The following MDN1 variants were observed in gnomAD, a reference collection of about 807,000 sequenced individuals.
The protein encoded by MDN1 is midasin AAA ATPase 1, also known as midasin.
MDN1 carries 266 observed loss-of-function variants against 669.2 expected under a neutral mutation model. The observed-to-expected ratio is 0.40, with a 90% CI of 0.36 to 0.44. MDN1 has a LOEUF of 0.44. Among genes scored for constraint, MDN1 ranks in the 20% least tolerant of loss-of-function variants. The pLI, the probability that MDN1 is intolerant of heterozygous loss-of-function variation, is 1.00. For synonymous variants in MDN1, 2,385 were observed against 2,457.1 expected (o/e 0.97, Z 0.87); for missense variants, 5,940 against 6,754.0 (o/e 0.88, Z 4.22).
chr6:89,700,764 T>C lies in MDN1; in HGVS notation c.8520A>G (p.Gly2840=), dbSNP rs1813100043. 6.2e-7 allele frequency: 1 copy of C among 1,614,066 alleles called. No individual in the cohort carries two copies. The highest frequency in any genetic ancestry group is 1.7e-5 in the Admixed American group (1 of 60,000). Residue 2840 remains glycine (G), a synonymous_variant, in exon 56 of 102, where the codon GGA becomes GGG. Coordinates refer to ENST00000369393, the MANE Select transcript of MDN1 (RefSeq NM_014611.3). The stretch of plus-strand genomic sequence containing the variant: ...GGAGACGGTTAATGTCTTCCTGCCA[T>C]CCACTCTCCCCAAGGGCAGACATCT... ...REQMSALGES[G]WQEDINRLQV...
At chr6:89,683,059 T>C in intron 73 of MDN1, 73 bp downstream of exon 73, 1 of 1,456,596 alleles carries the variant, frequency 6.9e-7, no homozygotes, top group Non-Finnish European at 9.6e-7. Context: ...TACTGAGGCA[T>C]GCCTTGCACA....
intron 53 of MDN1, among the ~76,000 whole-genome samples, chr6:89,705,271 T>A (rs543180197): frequency 1.1e-3 from 168 of 152,332 alleles, no homozygotes; most frequent in Admixed American, 2.0e-3. Context: ...GGGTTTTTTT[T>A]ATGTTTTTCA....
In MDN1 at chr6:89,790,413, A is replaced by G; in HGVS notation, c.856-12T>C. 1 of 1,613,572 alleles carries G rather than the reference A, an allele frequency of 6.2e-7. No individual in the cohort carries two copies. Among genetic ancestry groups the G allele is most frequent in the Non-Finnish European group, 8.5e-7 (1 of 1,179,916 alleles). ...CTCCTATTACCACCCTAAAGAGGCA[A>G]GACAAAAGCCATGTCAAGAAGAGTT... On this transcript the variant is annotated splice_polypyrimidine_tract_variant and intron_variant, in intron 5 of 101. Coordinates refer to ENST00000369393, the MANE Select transcript of MDN1 (RefSeq NM_014611.3).
intron 22 of MDN1, among the ~76,000 whole-genome samples, chr6:89,752,577 A>T (rs1049095152): frequency 6.6e-6 from 1 of 152,152 alleles, no homozygotes; most frequent in Non-Finnish European, 1.5e-5. Context: ...GCTATTCTGT[A>T]ATTTCCTGCC....
intron 11 of MDN1, among the ~76,000 whole-genome samples, chr6:89,777,603 T>C (rs1400603514): frequency 6.6e-6 from 1 of 152,152 alleles, no homozygotes; most frequent in Non-Finnish European, 1.5e-5. Flanking sequence ...AATCCCTTAG[T>C]GCTCAGGAGT....
At chr6:89,689,786 A>C in intron 65 of MDN1, 84 bp downstream of exon 65, 1 of 1,435,964 alleles carries the variant, frequency 7.0e-7, no homozygotes, top group East Asian at 2.4e-5. Flanking sequence ...GAAATTCATG[A>C]GTGTGATTGT....
intron 1 of MDN1, among the ~76,000 whole-genome samples, chr6:89,818,612 C>T (rs1195264682): frequency 6.6e-6 from 1 of 151,834 alleles, no homozygotes; most frequent in African/African-American, 2.4e-5. Context: ...GAGATCGAGA[C>T]CATCCTGGCC....
chr6:89,797,935 T>A (rs1312226717), intron 2 of MDN1: 2 of 157,166 alleles, frequency 1.3e-5, no homozygotes, highest in African/African-American at 5.2e-5. Flanking sequence ...AATCCCAGAA[T>A]TTTGGGAGGC....
intron 25 of MDN1, 28 bp downstream of exon 25, chr6:89,749,515 T>C: frequency 6.2e-7 from 1 of 1,610,352 alleles, no homozygotes; most frequent in Non-Finnish European, 8.5e-7. Flanking sequence ...TGTTAACAAA[T>C]TGAAGGAAGG....
At position 89,718,931 on chromosome 6, in the gene MDN1, T is replaced by C. The variant is rs1814617939; in HGVS notation, c.6157A>G (p.Met2053Val). The C allele has an allele frequency of 2.5e-6, 4 of 1,614,098 alleles. No individual in the cohort carries two copies. The highest frequency in any genetic ancestry group is 3.4e-6 in the Non-Finnish European group (4 of 1,180,032). Residue 2053 changes from methionine to valine, a missense_variant, in exon 42 of 102, where the codon ATG becomes GTG. Coordinates refer to ENST00000369393, the MANE Select transcript of MDN1 (RefSeq NM_014611.3). ...ATCCAGCTCATCTGCACACACTTCA[T>C]GATTGACTCCAGGGGTTGGAATGAC... Reference protein sequence around the residue: ...HQSFQPLESIMKCVQMSWMVI... With the variant: ...HQSFQPLESIVKCVQMSWMVI...
intron 59 of MDN1, among the ~76,000 whole-genome samples, chr6:89,697,998 A>G (rs576973180): frequency 6.0e-4 from 92 of 152,326 alleles, no homozygotes; most frequent in Middle Eastern, 3.4e-3. Context: ...AGAAGTGCAA[A>G]TGAGTTCTTT....
intron 25 of MDN1, 52 bp downstream of exon 25, chr6:89,749,491 T>G (rs561161164): frequency 1.0e-5 from 16 of 1,598,030 alleles, no homozygotes; most frequent in Non-Finnish European, 1.4e-5. Context: ...CTACGAAAAA[T>G]CTACTATCTG....
intron 22 of MDN1, 115 bp downstream of exon 22, chr6:89,753,397 C>T: frequency 1.3e-6 from 1 of 757,938 alleles, no homozygotes; most frequent in South Asian, 1.9e-5. Flanking sequence ...AAACTTTTTG[C>T]AACAGATTAC....
chr6:89,766,274 G>C (rs1407250266), intron 15 of MDN1, among the ~76,000 whole-genome samples: 5 of 151,920 alleles, frequency 3.3e-5, no homozygotes, highest in Admixed American at 6.6e-5. Context: ...ACTCCAGCCT[G>C]GGCGACAGAG....
At chr6:89,764,556 T>A (rs1817706328) in intron 15 of MDN1, among the ~76,000 whole-genome samples, 1 of 152,172 alleles carries the variant, frequency 6.6e-6, no homozygotes, top group African/African-American at 2.4e-5. Context: ...GCTTAAGTGC[T>A]ATGAACATAA....
rs760443557 is a variant in MDN1 at position 89,693,030 on chromosome 6, C to T, written c.10000G>A (p.Val3334Ile). ...ESLVQEIHHY[V>I]TSIAKAPAVQ... ...GCAGGGGCCTTGGCGATGCTGGTGA[C>T]GTAGTGGTGGATCTCCTGAACCAGG... Residue 3334 changes from valine (V) to isoleucine (I), a missense_variant, in exon 63 of 102, where the codon GTC (valine) becomes ATC (isoleucine). Transcript: ENST00000369393. 10 of 1,614,130 alleles carry T rather than the reference C, an allele frequency of 6.2e-6. No homozygotes were observed. The highest frequency in any genetic ancestry group is 1.6e-4 in the Middle Eastern group (1 of 6,062).
chr6:89,651,324 C>CA (rs57142164), intron 95 of MDN1, among the ~76,000 whole-genome samples: 1,283 of 94,568 alleles, frequency 0.014, 21 homozygotes, highest in African/African-American at 0.044. Context: ...GATTCCGTCT[C>CA]AAAAAAAAAA....
chr6:89,751,364 A>G, intron 23 of MDN1, 67 bp downstream of exon 23: 2 of 1,579,796 alleles, frequency 1.3e-6, no homozygotes, highest in Non-Finnish European at 1.7e-6. Flanking sequence ...TAAGGAAGTT[A>G]GACCAAAATG....
At chr6:89,705,878 A>T (rs1048978627) in intron 53 of MDN1, among the ~76,000 whole-genome samples, 181 bp downstream of exon 53, 2 of 152,238 alleles carry the variant, frequency 1.3e-5, no homozygotes, top group Admixed American at 1.3e-4. Context: ...TATAATATGT[A>T]AATTATACCC....
Sources: allele counts gnomAD v4.1 joint callset (sites outside exome capture counted in the v4.1 genomes callset), GRCh38; gene constraint gnomAD v4.1.1; transcripts MANE v1.5; gene names NCBI Gene and HGNC (gene_info 2026-07-23, HGNC 2026-07-21).